PTPRB: variants seen among roughly 807,000 people sequenced by gnomAD.
The protein encoded by PTPRB is receptor-type tyrosine-protein phosphatase beta.
A neutral mutation model predicts 238.1 loss-of-function variants in PTPRB; 97 were observed. The observed-to-expected ratio is 0.41, with a 90% CI of 0.35 to 0.48. PTPRB has a LOEUF of 0.48. Among genes scored for constraint, PTPRB ranks in the 20% least tolerant of loss-of-function variants. The pLI is 0.30. For missense variants in PTPRB, 2,292 were observed against 2,681.9 expected (o/e 0.85, Z 3.21); for synonymous variants, 970 against 995.4 (o/e 0.97, Z 0.48).
chr12:70,517,167 G>C lies in PTPRB; in HGVS notation c.*4322C>G, dbSNP rs796984168. The C allele has an allele frequency of 1.3e-5, 2 of 152,272 alleles. No homozygotes were observed. Among genetic ancestry groups the C allele is most frequent in the African/African-American group, 4.8e-5 (2 of 41,562 alleles). 9.4% of individuals were successfully genotyped at this position (152,272 alleles called of 1,614,324 possible). ...TAAAATGCCAAACCCAGTACATTTA[G>C]TTAAATATCTGGTCAATTCAAAAAG... On this transcript the variant is annotated 3_prime_UTR_variant, in exon 34 of 34. Transcript: ENST00000334414.
At chr12:70,627,956 G>A (rs765384406) in intron 2 of PTPRB, among the ~76,000 whole-genome samples, 1 of 152,080 alleles carries the variant, frequency 6.6e-6, no homozygotes, top group Non-Finnish European at 1.5e-5. Context: ...TTTCCCAAGG[G>A]TGTATATGAT....
intron 2 of PTPRB, among the ~76,000 whole-genome samples, chr12:70,630,831 G>A: frequency 6.6e-6 from 1 of 152,142 alleles, no homozygotes; most frequent in Non-Finnish European, 1.5e-5. Context: ...ATTCACAATT[G>A]CTACAAAGAG....
chr12:70,604,728 GGCCATTAGAGCGGGCCCTAA>G (rs1405830960), intron 4 of PTPRB, among the ~76,000 whole-genome samples: 1 of 152,108 alleles, frequency 6.6e-6, no homozygotes, highest in Non-Finnish European at 1.5e-5. Flanking sequence ...GTTAAAATGG[GGCCATTAGAGCGGGCCCTAA>G]GCCAATATGA....
rs1874462025 is a variant in PTPRB at position 70,538,138 on chromosome 12, C to G, written c.5946+17G>C. On this transcript the variant is annotated intron_variant, in intron 28 of 33. Coordinates refer to ENST00000334414, the MANE Select transcript of PTPRB (RefSeq NM_001109754.4). ...CAAAGCCTCATCCTGAACACTATGG[C>G]CTAGTGGGTCACTTACAGGGATGTA... 6.2e-7 allele frequency: 1 copy of G among 1,604,858 alleles called. No homozygotes were observed. The highest frequency in any genetic ancestry group is 8.5e-7 in the Non-Finnish European group (1 of 1,173,656).
chr12:70,628,801 G>A (rs1885317803), intron 2 of PTPRB, among the ~76,000 whole-genome samples: 1 of 152,088 alleles, frequency 6.6e-6, no homozygotes, highest in Admixed American at 6.6e-5. Flanking sequence ...CTGGCATCAA[G>A]CAATTCTCCC....
Position 70,591,126 on chromosome 12 carries a change from G to T in PTPRB, c.1781-893C>A, listed in dbSNP as rs1592550243. Among the ~76,000 whole-genome samples, 3 of 145,308 alleles carry T rather than the reference G, an allele frequency of 2.1e-5. No homozygotes were observed. The East Asian group carries it at 6.0e-4, about 29-fold the overall frequency. On this transcript the variant is annotated intron_variant, in intron 7 of 33. Coordinates refer to ENST00000334414, the MANE Select transcript of PTPRB (RefSeq NM_001109754.4). ...ATTTTTTTTTTTTTTTTGTAGAGAC[G>T]AGGTCTCATTATGTTGCTGAGGTTG...
At chr12:70,548,344 TCTCACACACACACA>T (rs1284849372) in intron 21 of PTPRB, among the ~76,000 whole-genome samples, 676 of 20,466 alleles carry the variant, frequency 0.033, 4 homozygotes, top group South Asian at 0.3. Context: ...TCTCTCTCTC[TCTCACACACACACA>T]CACACACACA....
At chr12:70,538,007 A>AT (rs3214594) in intron 28 of PTPRB, 148 bp downstream of exon 28, 178,646 of 583,016 alleles carry the variant, frequency 0.31, 27,651 homozygotes, top group East Asian at 0.48. Flanking sequence ...TGGATACCCC[A>AT]TTTTTTTTAT....
Position 70,517,797 on chromosome 12 carries a change from C to A in PTPRB, c.*3692G>T, listed in dbSNP as rs189363634. ...CTCAGATACTACCACTGCTGTTGTGCAGATCTGGTAGCTTTATGATTTCAG... is the reference window on the plus strand; with the variant it reads ...CTCAGATACTACCACTGCTGTTGTGAAGATCTGGTAGCTTTATGATTTCAG... On this transcript the variant is annotated 3_prime_UTR_variant, in exon 34 of 34. Coordinates refer to ENST00000334414, the MANE Select transcript of PTPRB (RefSeq NM_001109754.4). The A allele has an allele frequency of 2.6e-5, 4 of 152,102 alleles. No individual in the cohort carries two copies. Among genetic ancestry groups the A allele is most frequent in the Non-Finnish European group, 1.5e-5 (1 of 68,026 alleles). 9.4% of individuals were successfully genotyped at this position (152,102 alleles called of 1,614,324 possible).
chr12:70,626,393 G>C (rs896935166), intron 2 of PTPRB, among the ~76,000 whole-genome samples: 1 of 146,734 alleles, frequency 6.8e-6, no homozygotes, highest in Non-Finnish European at 1.5e-5. Flanking sequence ...CTGCCTGCCT[G>C]CCTGCCTGCC....
At chr12:70,541,183 T>C in intron 22 of PTPRB, 1 of 439,740 alleles carries the variant, frequency 2.3e-6, no homozygotes, top group Non-Finnish European at 4.0e-6. Flanking sequence ...TGTCACTGCA[T>C]ACTTTTGAAG....
At chr12:70,530,447 GCA>G (rs1565903251) in intron 32 of PTPRB, among the ~76,000 whole-genome samples, 1 of 151,758 alleles carries the variant, frequency 6.6e-6, no homozygotes, top group Non-Finnish European at 1.5e-5. Flanking sequence ...ATATACACAT[GCA>G]CATATACACA....
intron 7 of PTPRB, chr12:70,592,014 T>C: frequency 2.0e-6 from 1 of 497,986 alleles, no homozygotes; most frequent in South Asian, 2.5e-5. Context: ...TTTTATATAC[T>C]GGTATCAATG....
chr12:70,568,780 C>T (rs889402806), intron 14 of PTPRB, among the ~76,000 whole-genome samples: 89 of 152,220 alleles, frequency 5.8e-4, no homozygotes, highest in African/African-American at 2.0e-3. Flanking sequence ...GGAGAGGGCA[C>T]GAGGTTTGGG....
intron 16 of PTPRB, 44 bp downstream of exon 16, chr12:70,562,800 G>A (rs1377656638): frequency 1.3e-6 from 2 of 1,593,358 alleles, no homozygotes; most frequent in African/African-American, 1.3e-5. Context: ...TGAATACCGG[G>A]ACAATTCCCC....
In PTPRB at chr12:70,534,820, C is replaced by A; in HGVS notation, c.6204+13G>T. ...CCCCAAGCTCGGTTGTTAAGTCAAG[C>A]AAGCTAACATACACCGCATATCTTA... On this transcript the variant is annotated intron_variant, in intron 30 of 33. Coordinates refer to ENST00000334414, the MANE Select transcript of PTPRB (RefSeq NM_001109754.4). The A allele has an allele frequency of 6.2e-7, 1 of 1,612,494 alleles. No individual in the cohort carries two copies. The highest frequency in any genetic ancestry group is 8.5e-7 in the Non-Finnish European group (1 of 1,179,246).
chr12:70,636,869 T>G (rs748011684), intron 1 of PTPRB, among the ~76,000 whole-genome samples: 29 of 152,206 alleles, frequency 1.9e-4, no homozygotes, highest in Non-Finnish European at 3.1e-4. Flanking sequence ...AGGTTTTACT[T>G]AAATTGCCCA....
chr12:70,608,946 A>G (rs1884191912), intron 4 of PTPRB, 123 bp downstream of exon 4: 1 of 1,314,892 alleles, frequency 7.6e-7, no homozygotes, highest in Non-Finnish European at 1.1e-6. Flanking sequence ...GTCAATATTT[A>G]TCTTCACAGG....
At position 70,596,340 on chromosome 12, in the gene PTPRB, T is replaced by G; in HGVS notation, c.980-13A>C. ...GGAGGTAAAGGATCTGCAAGGCAAA[T>G]ACACACACACACACAAAAAAAAAAA... On this transcript the variant is annotated splice_polypyrimidine_tract_variant and intron_variant, in intron 4 of 33. Transcript: ENST00000334414. 3.2e-6 allele frequency: 4 copies of G among 1,265,106 alleles called. No individual in the cohort carries two copies. The highest frequency in any genetic ancestry group is 2.3e-5 in the South Asian group (1 of 43,614). 78.4% of individuals were successfully genotyped at this position (1,265,106 alleles called of 1,614,324 possible). A position where few individuals can be genotyped will look rare whatever the true frequency, so the allele number is the denominator to read the frequency against.
Sources: gnomAD v4.1 joint callset for allele counts (sites outside exome capture counted in the v4.1 genomes callset) on GRCh38, gnomAD v4.1.1 for gene constraint, MANE v1.5 for transcripts, NCBI Gene and HGNC (gene_info 2026-07-23, HGNC 2026-07-21) for gene names.